Variants in FAT2 observed in about 807,000 individuals in gnomAD.
FAT2 encodes the protein protocadherin Fat 2.
Under a neutral mutation model 295.3 loss-of-function variants are expected in FAT2, and 150 were observed. That is an observed-to-expected ratio of 0.51 (90% confidence interval 0.44 to 0.58). The LOEUF (loss-of-function observed/expected upper bound fraction) is 0.58, where lower values mean the gene tolerates loss of function less well. FAT2 is among the 20% of genes least tolerant of loss of function. FAT2 has a pLI of 0.00. For missense variants in FAT2, 4,868 were observed against 5,442.7 expected (o/e 0.89, Z 3.32); for synonymous variants, 2,026 against 2,150.3 (o/e 0.94, Z 1.60).
chr5:151,527,971 G>T (rs771541185), intron 16 of FAT2, 25 bp downstream of exon 16: 1 of 1,612,454 alleles, frequency 6.2e-7, no homozygotes, highest in South Asian at 1.1e-5. Flanking sequence ...ATGAGCTCAG[G>T]GTGCGCCCCT....
In FAT2 at chr5:151,540,876, A is replaced by G. The variant is rs561303834; in HGVS notation, c.8843-113T>C. 347 of 980,124 alleles carry G rather than the reference A, an allele frequency of 3.5e-4. 2 individuals carry two copies. The highest frequency in any genetic ancestry group is 2.0e-3 in the Middle Eastern group (6 of 3,008). The allele number at this position is 980,124 out of a possible 1,614,324, so 60.7% of individuals were successfully genotyped here. A position where few individuals can be genotyped will look rare whatever the true frequency, so the allele number is the denominator to read the frequency against. ...TTTTAGAATTGTTGGGAAAGCAAAC[A>G]TTTCCTTCCTTAACTAGGAACCCAC... On this transcript the variant is annotated intron_variant, in intron 10 of 23. Coordinates refer to ENST00000261800, the MANE Select transcript of FAT2 (RefSeq NM_001447.3).
intron 16 of FAT2, 110 bp from the exon 17 acceptor site, chr5:151,527,487 A>G (rs1754141905): frequency 7.2e-6 from 8 of 1,117,092 alleles, no homozygotes; most frequent in East Asian, 2.6e-5. Context: ...ACACTTTCCT[A>G]TGCCCACCCC....
chr5:151,572,948 T>G (rs1465198932), intron 1 of FAT2, among the ~76,000 whole-genome samples: 4 of 152,232 alleles, frequency 2.6e-5, no homozygotes, highest in Non-Finnish European at 5.9e-5. Flanking sequence ...GAGACCTGCA[T>G]CTGAGTGAAT....
In FAT2 at chr5:151,569,961, C is replaced by T. The variant is rs140600082; in HGVS notation, c.-20-1010G>A. Among the ~76,000 whole-genome samples the T allele has an allele frequency of 6.6e-5, 10 of 152,368 alleles. No homozygotes were observed. In the East Asian group the frequency reaches 1.9e-3, roughly 29 times the overall value. On this transcript the variant is annotated intron_variant, in intron 1 of 23. Transcript: ENST00000261800. Reference sequence around the variant, plus strand: ...ACTTTTAGAGCAAGTTATTTAACCTCATGAGCCTTCATTTCACCTTCTGTA... The same window carrying T: ...ACTTTTAGAGCAAGTTATTTAACCTTATGAGCCTTCATTTCACCTTCTGTA...
At chr5:151,571,292 C>A (rs10060613) in intron 1 of FAT2, among the ~76,000 whole-genome samples, 66,462 of 151,796 alleles carry the variant, frequency 0.44, 15,294 homozygotes, top group Non-Finnish European at 0.52. Context: ...GATGGCATTG[C>A]TTTTGAAGTT....
intron 18 of FAT2, among the ~76,000 whole-genome samples, chr5:151,522,825 G>A (rs1753615900): frequency 6.6e-6 from 1 of 152,194 alleles, no homozygotes; most frequent in African/African-American, 2.4e-5. Context: ...TGGTGCTGGA[G>A]CAAGTGGGCA....
Position 151,551,976 on chromosome 5 carries a change from GGTGTGTGTGTGTGTGT to G in FAT2, c.4157-386_4157-371del, listed in dbSNP as rs56267278. On this transcript the variant is annotated intron_variant, in intron 6 of 23. Coordinates refer to ENST00000261800, the MANE Select transcript of FAT2 (RefSeq NM_001447.3). ...AACAATACTTTAATATAACCCTAAG[GGTGTGTGTGTGTGTGT>G]GTGTGTGTGTGTGTGTGTGTGTAAA... Among the ~76,000 whole-genome samples the G allele has an allele frequency of 2.1e-5, 3 of 143,558 alleles. No individual in the cohort carries two copies. In the South Asian group the frequency reaches 6.9e-4, roughly 33 times the overall value. The allele number at this position is 143,558 out of a possible 152,430, so 94.2% of individuals were successfully genotyped here. A position where few individuals can be genotyped will look rare whatever the true frequency, so the allele number is the denominator to read the frequency against.
intron 4 of FAT2, among the ~76,000 whole-genome samples, chr5:151,555,482 G>A (rs1016242368): frequency 2.7e-5 from 4 of 146,082 alleles, no homozygotes; most frequent in Non-Finnish European, 6.0e-5. Context: ...GTGCTTCTCC[G>A]CCTCAGCCTC....
chr5:151,576,569 T>G (rs1016656985), intron 1 of FAT2, among the ~76,000 whole-genome samples: 4 of 152,192 alleles, frequency 2.6e-5, no homozygotes, highest in Admixed American at 2.6e-4. Flanking sequence ...TTAGTTTATT[T>G]TAAATACGAA....
Position 151,525,807 on chromosome 5 carries a change from T to C in FAT2, c.10467A>G (p.Leu3489=). The change falls in exon 18 of 24, where the codon CTA becomes CTG. Residue 3489 remains leucine, a synonymous_variant. Transcript: ENST00000261800. The part of the protein sequence containing the change: ...PDGWLVTAEG[L]SRRAQEWYQL... ...GATACCATTCCTGAGCCCTCCTGCT[T>C]AGGCCCTCAGCAGTCACCAGCCATC... is the stretch of plus-strand genomic sequence containing the variant. The C allele has an allele frequency of 6.2e-7, 1 of 1,614,132 alleles. No individual in the cohort carries two copies. The highest frequency in any genetic ancestry group is 8.5e-7 in the Non-Finnish European group (1 of 1,180,016).
At position 151,568,033 on chromosome 5, in the gene FAT2, A is replaced by C. The variant is rs1456356737; in HGVS notation, c.899T>G (p.Phe300Cys). 3 of 1,614,156 alleles carry C rather than the reference A, an allele frequency of 1.9e-6. No homozygotes were observed. In the South Asian group the frequency reaches 3.3e-5, roughly 18 times the overall value. ...EVVGGDPGKH[F>C]KAIKSYARSN... ...CCGGGCATAAGACTTGATGGCTTTG[A>C]AGTGCTTTCCAGGGTCACCACCAAC... Residue 300 changes from phenylalanine (F) to cysteine (C), a missense_variant, in exon 2 of 24, where the codon TTC becomes TGC. Phe to Cys is a radical substitution (Grantham distance 205). Coordinates refer to ENST00000261800, the MANE Select transcript of FAT2 (RefSeq NM_001447.3).
Position 151,545,876 on chromosome 5 carries a change from C to A in FAT2, c.5251G>T (p.Glu1751Ter). Residue 1751 changes from glutamate to a stop codon, truncating the protein, a stop_gained, in exon 10 of 24, where the codon GAA (glutamate) becomes TAA (stop). Transcript: ENST00000261800. LOFTEE classifies it high-confidence loss of function. Reference sequence around the variant, plus strand: ...AAGAACATAGGAGCATTGTCATTTTCATCAATTATGTCAACCACCACCATG... The same window carrying A: ...AAGAACATAGGAGCATTGTCATTTTAATCAATTATGTCAACCACCACCATG... ...DVMVVVDIIDENDNAPMFLKS... is the reference protein window; with the variant it reads ...DVMVVVDIID 1 of 1,614,222 alleles carries A rather than the reference C, an allele frequency of 6.2e-7. No homozygotes were observed. The highest frequency in any genetic ancestry group is 1.1e-5 in the South Asian group (1 of 91,080).
chr5:151,529,492 G>A, intron 14 of FAT2, 100 bp from the exon 15 acceptor site: 1 of 926,914 alleles, frequency 1.1e-6, no homozygotes, highest in Non-Finnish European at 1.7e-6. Context: ...AGCTCAACAG[G>A]GCTAGGCAAG....
chr5:151,586,613 C>T (rs1048809650), intron 1 of FAT2, among the ~76,000 whole-genome samples: 6 of 152,172 alleles, frequency 3.9e-5, no homozygotes, highest in East Asian at 1.9e-4. Flanking sequence ...TTCTACCTCA[C>T]GGGCAGGTAG....
rs751720557 is a variant in FAT2, at chr5:151,567,270, G to C, written c.1662C>G (p.Leu554=). The change falls in exon 2 of 24, where the codon CTC becomes CTG. Residue 554 remains leucine (L), a synonymous_variant. Coordinates refer to ENST00000261800, the MANE Select transcript of FAT2 (RefSeq NM_001447.3). ...REKEVSIFLQ[L]RNLNDNQPMF... is the part of the protein sequence containing the mutation. ...TAGGCTGGTTGTCATTCAAGTTCCT[G>C]AGCTGAAGAAAAATGGACACTTCCT... The C allele has an allele frequency of 6.2e-7, 1 of 1,614,146 alleles. No individual in the cohort carries two copies. Among genetic ancestry groups the C allele is most frequent in the Non-Finnish European group, 8.5e-7 (1 of 1,180,042 alleles).
At chr5:151,572,584 T>C (rs1460094439) in intron 1 of FAT2, among the ~76,000 whole-genome samples, 1 of 152,230 alleles carries the variant, frequency 6.6e-6, no homozygotes, top group Non-Finnish European at 1.5e-5. Context: ...CTTTTTCATC[T>C]GTGAGAGAGG....
chr5:151,567,352 C>A lies in FAT2; in HGVS notation c.1580G>T (p.Arg527Ile), dbSNP rs774676657. 2.5e-6 allele frequency: 4 copies of A among 1,614,092 alleles called. No homozygotes were observed. Among genetic ancestry groups the A allele is most frequent in the East Asian group, 2.2e-5 (1 of 44,900 alleles). Reference protein sequence around the residue: ...SKPMDYELMKRIYTFRVRASD... With the variant: ...SKPMDYELMKIIYTFRVRASD... ...TGCTCTTACCCGGAAGGTATAAATTCTTTTCATGAGTTCATAGTCCATGGG... is the reference window on the plus strand; with the variant it reads ...TGCTCTTACCCGGAAGGTATAAATTATTTTCATGAGTTCATAGTCCATGGG... The change falls in exon 2 of 24, where the codon AGA becomes ATA. Residue 527 changes from arginine to isoleucine, a missense_variant. By Grantham distance (97) the Arg-to-Ile change is moderately conservative. Coordinates refer to ENST00000261800, the MANE Select transcript of FAT2 (RefSeq NM_001447.3).
At position 151,512,058 on chromosome 5, in the gene FAT2, G is replaced by T; in HGVS notation, c.11905+107C>A. The T allele has an allele frequency of 1.9e-6, 2 of 1,054,658 alleles. No individual in the cohort carries two copies. The highest frequency in any genetic ancestry group is 1.6e-5 in the African/African-American group (1 of 62,328). 65.3% of individuals were successfully genotyped at this position (1,054,658 alleles called of 1,614,324 possible). ...TACTCACAAGTTAGGGGAAGAGAGA[G>T]AAATTTGGAACCAGGAGGCTCTGAG... On this transcript the variant is annotated intron_variant, in intron 21 of 23. Coordinates refer to ENST00000261800, the MANE Select transcript of FAT2 (RefSeq NM_001447.3). The surrounding 1 kb of genome is among the most constrained non-coding windows in gnomAD (Gnocchi z 4.1).
chr5:151,569,021 C>T (rs906258294), intron 1 of FAT2, 70 bp from the exon 2 acceptor site: 1 of 1,420,938 alleles, frequency 7.0e-7, no homozygotes, highest in African/African-American at 1.4e-5. Context: ...TGATTCTTAA[C>T]TGGAGGTGAT....
Sources: allele counts gnomAD v4.1 joint callset (sites outside exome capture counted in the v4.1 genomes callset), GRCh38; gene constraint gnomAD v4.1.1; non-coding constraint Gnocchi (gnomAD v3.1); transcripts MANE v1.5; gene names NCBI Gene and HGNC (gene_info 2026-07-23, HGNC 2026-07-21).